The following PBX4 variants were observed in gnomAD, a reference collection of about 807,000 sequenced individuals.
PBX4 encodes the protein PBX homeobox 4, also known as pre-B-cell leukemia transcription factor 4.
A neutral mutation model predicts 35.1 loss-of-function variants in PBX4; 26 were observed. The ratio of observed to expected loss-of-function variants is 0.74; its 90% CI spans 0.54 to 1.03. The LOEUF is 1.03. PBX4 is among the 50% of genes least tolerant of loss of function. The pLI, the probability that PBX4 is intolerant of heterozygous loss-of-function variation, is 0.00. For synonymous variants in PBX4, 199 were observed against 204.2 expected (o/e 0.97, Z 0.22); for missense variants, 448 against 504.3 (o/e 0.89, Z 1.07).
chr19:19,573,326 A>ATACAC (rs1410786143), intron 2 of PBX4, among the ~76,000 whole-genome samples: 2 of 81,662 alleles, frequency 2.4e-5, no homozygotes, highest in African/African-American at 4.9e-5. Flanking sequence ...AAAAAAAAAA[A>ATACAC]ATATACACAC....
At chr19:19,605,012 C>G (rs575291131) in intron 1 of PBX4, among the ~76,000 whole-genome samples, 23 of 151,984 alleles carry the variant, frequency 1.5e-4, no homozygotes, top group African/African-American at 4.8e-4. Flanking sequence ...TAAATGGACT[C>G]TGATTATAGC....
chr19:19,609,054 C>T (rs1311709726), intron 1 of PBX4, among the ~76,000 whole-genome samples: 1 of 152,176 alleles, frequency 6.6e-6, no homozygotes, highest in South Asian at 2.1e-4. Context: ...AAGCCCGAGC[C>T]TGACTGTCTG....
chr19:19,609,548 TGA>T (rs1491258873), intron 1 of PBX4, among the ~76,000 whole-genome samples: 3 of 54,384 alleles, frequency 5.5e-5, no homozygotes, highest in Admixed American at 2.3e-4. Flanking sequence ...AAAATCCATA[TGA>T]AAAAAAAAAA....
chr19:19,570,832 C>A lies in PBX4; in HGVS notation c.195G>T (p.Val65=). ...CGTCTTGAATGCCACGGATGCTTAC[C>A]ACTAGATAAGAGAGACCGGGACAAG... ...SVLCEIKEKT[V]VSIRGIQDED... Residue 65 remains valine (V), a splice_region_variant and synonymous_variant, in exon 3 of 8, where the codon GTG becomes GTT. Coordinates refer to ENST00000251203, the MANE Select transcript of PBX4 (RefSeq NM_025245.3). The A allele has an allele frequency of 6.2e-7, 1 of 1,613,902 alleles. No individual in the cohort carries two copies. The highest frequency in any genetic ancestry group is 8.5e-7 in the Non-Finnish European group (1 of 1,180,002).
At chr19:19,612,390 GA>G (rs199918476) in intron 1 of PBX4, among the ~76,000 whole-genome samples, 1,842 of 152,266 alleles carry the variant, frequency 0.012, 45 homozygotes, top group African/African-American at 0.043. Context: ...CGACTGAGAT[GA>G]AAAATTCCTT....
chr19:19,607,725 T>A (rs1253994548), intron 1 of PBX4, among the ~76,000 whole-genome samples: 1 of 152,182 alleles, frequency 6.6e-6, no homozygotes, highest in East Asian at 1.9e-4. Context: ...AACAGTATGT[T>A]TTAGCTGATA....
chr19:19,590,372 G>C (rs947505126), intron 2 of PBX4, among the ~76,000 whole-genome samples: 2 of 151,988 alleles, frequency 1.3e-5, no homozygotes, highest in East Asian at 3.9e-4. Context: ...TGTTTTCAAG[G>C]TGCACCCATG....
At chr19:19,590,477 T>G (rs1354877288) in intron 2 of PBX4, among the ~76,000 whole-genome samples, 1 of 151,650 alleles carries the variant, frequency 6.6e-6, no homozygotes, top group Non-Finnish European at 1.5e-5. Context: ...TTTCTTTTTT[T>G]TTTTTTTTTG....
chr19:19,601,563 G>A (rs949236181), intron 1 of PBX4, among the ~76,000 whole-genome samples: 2 of 152,182 alleles, frequency 1.3e-5, no homozygotes, highest in African/African-American at 2.4e-5. Context: ...ATGTAATTAA[G>A]TTTAAGGACC....
At position 19,562,205 on chromosome 19, in the gene PBX4, G is replaced by T; in HGVS notation, c.1033-88C>A. The T allele has an allele frequency of 2.0e-6, 2 of 980,022 alleles. No individual in the cohort carries two copies. Among genetic ancestry groups the T allele is most frequent in the Non-Finnish European group, 3.0e-6 (2 of 667,840 alleles). 60.7% of individuals were successfully genotyped at this position (980,022 alleles called of 1,614,324 possible). ...CGTGCTGCAGGCGGAGCCTCCAGGGGTCCCTGGGAAGGCTTGGAAAAGATC... is the reference window on the plus strand; with the variant it reads ...CGTGCTGCAGGCGGAGCCTCCAGGGTTCCCTGGGAAGGCTTGGAAAAGATC... On this transcript the variant is annotated intron_variant, in intron 7 of 7. Coordinates refer to ENST00000251203, the MANE Select transcript of PBX4 (RefSeq NM_025245.3). This position sits in a 1 kb window ranked among gnomAD's most constrained non-coding sequence, Gnocchi z 4.8.
chr19:19,583,816 A>T (rs2061471624), intron 2 of PBX4, among the ~76,000 whole-genome samples: 2 of 150,658 alleles, frequency 1.3e-5, no homozygotes, highest in South Asian at 4.2e-4. Flanking sequence ...ACGCCTGTAA[A>T]CCCAGCACTT....
At chr19:19,582,906 C>T (rs1194710715) in intron 2 of PBX4, among the ~76,000 whole-genome samples, 2 of 152,170 alleles carry the variant, frequency 1.3e-5, no homozygotes, top group Admixed American at 6.5e-5. Flanking sequence ...TGTGGGGCAC[C>T]GAAGAAGTGA....
At chr19:19,579,570 G>A (rs895134599) in intron 2 of PBX4, among the ~76,000 whole-genome samples, 4 of 152,148 alleles carry the variant, frequency 2.6e-5, no homozygotes, top group African/African-American at 4.8e-5. Context: ...CTGTGCTCCC[G>A]CCTCCTTCCC....
At chr19:19,612,364 T>C (rs768961872) in intron 1 of PBX4, among the ~76,000 whole-genome samples, 8 of 152,234 alleles carry the variant, frequency 5.3e-5, no homozygotes, top group South Asian at 4.1e-4. Flanking sequence ...CAACAAAACA[T>C]GTTCAGAGGG....
chr19:19,582,239 C>G (rs1428892255), intron 2 of PBX4, among the ~76,000 whole-genome samples: 1 of 152,210 alleles, frequency 6.6e-6, no homozygotes, highest in Non-Finnish European at 1.5e-5. Flanking sequence ...GGCGGGGTCC[C>G]TGGCGAGGGC....
chr19:19,588,917 C>T (rs1300901384), intron 2 of PBX4, among the ~76,000 whole-genome samples: 1 of 152,098 alleles, frequency 6.6e-6, no homozygotes, highest in Non-Finnish European at 1.5e-5. Flanking sequence ...GGGAGGATTG[C>T]TTGAGGACAA....
Position 19,603,886 on chromosome 19 carries a change from CA to C in PBX4, c.120-4522del, listed in dbSNP as rs2061612747. Among the ~76,000 whole-genome samples the C allele has an allele frequency of 2.7e-5, 4 of 147,082 alleles. No homozygotes were observed. In the Admixed American group the frequency reaches 2.8e-4, roughly 10 times the overall value. On this transcript the variant is annotated intron_variant, in intron 1 of 7. Transcript: ENST00000251203. The stretch of plus-strand genomic sequence containing the variant: ...GCAGGATAATTTAATTGCTTGAACC[CA>C]GGGGGTGGAGGTTGCAGTGAGCCGA...
intron 2 of PBX4, among the ~76,000 whole-genome samples, chr19:19,593,420 T>C (rs2061540927): frequency 6.6e-6 from 1 of 152,228 alleles, no homozygotes; most frequent in Non-Finnish European, 1.5e-5. Context: ...GGGCTGAGAC[T>C]TGGCCATTCC....
Position 19,570,455 on chromosome 19 carries a change from AC to A in PBX4, c.441+130del, listed in dbSNP as rs1160075736. 2.3e-5 allele frequency: 33 copies of A among 1,457,520 alleles called. 1 individual carries two copies. The South Asian group carries it at 3.8e-4, about 17-fold the overall frequency. The allele number at this position is 1,457,520 out of a possible 1,614,324, so 90.3% of individuals were successfully genotyped here. A position where few individuals can be genotyped will look rare whatever the true frequency, so the allele number is the denominator to read the frequency against. On this transcript the variant is annotated intron_variant, in intron 3 of 7. Coordinates refer to ENST00000251203, the MANE Select transcript of PBX4 (RefSeq NM_025245.3). ...TGGAAAGGGCTTTCAGTAACAATGG[AC>A]CACCTCTGCAGCGACCAACTGCATG... is the stretch of plus-strand genomic sequence containing the variant.
Sources: allele counts gnomAD v4.1 joint callset (sites outside exome capture counted in the v4.1 genomes callset), GRCh38; gene constraint gnomAD v4.1.1; non-coding constraint Gnocchi (gnomAD v3.1); transcripts MANE v1.5; gene names NCBI Gene and HGNC (gene_info 2026-07-23, HGNC 2026-07-21).